NMBR: variants seen among roughly 807,000 people sequenced by gnomAD.
The protein encoded by NMBR is neuromedin-B receptor.
A neutral mutation model predicts 20.5 loss-of-function variants in NMBR; 16 were observed. That is an observed-to-expected ratio of 0.78 (90% CI 0.53 to 1.19). The LOEUF (loss-of-function observed/expected upper bound fraction) is 1.19. Among genes scored for constraint, NMBR ranks in the 50% most tolerant of loss-of-function variants. NMBR has a pLI of 0.00. For missense variants in NMBR, 582 were observed against 499.1 expected, an observed-to-expected ratio of 1.17 and a Z score of -1.58; for synonymous variants, 212 against 196.6, an observed-to-expected ratio of 1.08 and a Z score of -0.65.
intron 1 of NMBR, among the ~76,000 whole-genome samples, chr6:142,128,650 G>C (rs1031083803): frequency 6.6e-6 from 1 of 151,938 alleles, no homozygotes; most frequent in Non-Finnish European, 1.5e-5. Flanking sequence ...CTTTCATTTT[G>C]TTAAGTTGGT....
Position 142,088,521 on chromosome 6 carries a change from G to A in NMBR, c.138C>T (p.Ile46=), listed in dbSNP as rs117568543. Residue 46 remains isoleucine (I), a synonymous_variant, in exon 2 of 4, where the codon ATC becomes ATT. Transcript: ENST00000258042. Reference sequence around the variant, plus strand: ...TGATGATGAGCAGGTAGAGGGACGGGATCACACAGCGGATCACCAACTCCG... The same window carrying A: ...TGATGATGAGCAGGTAGAGGGACGGAATCACACAGCGGATCACCAACTCCG... ...TTTELVIRCV[I]PSLYLLIITV... 3,367 of 1,614,058 alleles carry A rather than the reference G, an allele frequency of 2.1e-3. 19 individuals carry two copies. The highest frequency in any genetic ancestry group is 7.3e-3 in the Middle Eastern group (44 of 6,062).
chr6:142,137,425 G>C (rs910056776), intron 1 of NMBR, among the ~76,000 whole-genome samples: 1 of 152,098 alleles, frequency 6.6e-6, no homozygotes, highest in African/African-American at 2.4e-5. Context: ...TAGATATACA[G>C]TCATGTAATC....
intron 2 of NMBR, among the ~76,000 whole-genome samples, chr6:142,087,439 G>T (rs1423967024): frequency 6.6e-6 from 1 of 152,078 alleles, no homozygotes; most frequent in African/African-American, 2.4e-5. Context: ...TGGACCCTGA[G>T]TCAGGAGACT....
intron 1 of NMBR, among the ~76,000 whole-genome samples, chr6:142,092,176 C>A (rs373963115): frequency 2.6e-5 from 4 of 151,594 alleles, no homozygotes; most frequent in East Asian, 1.9e-4. Flanking sequence ...AAAGGAGATA[C>A]TAATACAAAT....
At chr6:142,093,172 T>C (rs1489376962) in intron 1 of NMBR, among the ~76,000 whole-genome samples, 1 of 151,948 alleles carries the variant, frequency 6.6e-6, no homozygotes, top group East Asian at 1.9e-4. Flanking sequence ...TTAATTATTC[T>C]TTAAGTTTTA....
intron 1 of NMBR, among the ~76,000 whole-genome samples, chr6:142,111,421 G>T (rs1363500739): frequency 6.6e-6 from 1 of 152,044 alleles, no homozygotes; most frequent in East Asian, 1.9e-4. Flanking sequence ...AAAATTAAAT[G>T]ATTTTCTTAG....
At chr6:142,087,599 A>G (rs764093233) in intron 2 of NMBR, among the ~76,000 whole-genome samples, 17 of 152,192 alleles carry the variant, frequency 1.1e-4, no homozygotes, top group Non-Finnish European at 2.2e-4. Flanking sequence ...CAGATTTAAT[A>G]TCAAAGATGT....
rs1777016748 is a variant in NMBR, at chr6:142,078,857, A to G, written c.469T>C (p.Leu157=). ...NPMDMQTSGA[L]LRTCVKAMGI... ...ATGGCCTTCACACAGGTCCGCAGCA[A>G]TGCCCCTGACGTCTGCATGTCCATG... is the stretch of plus-strand genomic sequence containing the variant. Residue 157 remains leucine (L), a synonymous_variant, in exon 3 of 4, where the codon TTG becomes CTG. Transcript: ENST00000258042. 6.2e-7 allele frequency: 1 copy of G among 1,613,736 alleles called. No individual in the cohort carries two copies. Among genetic ancestry groups the G allele is most frequent in the South Asian group, 1.1e-5 (1 of 91,060 alleles).
chr6:142,121,907 A>G (rs926227654), intron 1 of NMBR, among the ~76,000 whole-genome samples: 1 of 151,894 alleles, frequency 6.6e-6, no homozygotes, highest in African/African-American at 2.4e-5. Flanking sequence ...GTGGTAGTCA[A>G]TATGCAGCCA....
rs567521224 is a variant in NMBR at position 142,102,115 on chromosome 6, G to A, written c.-663-12794C>T. Reference sequence around the variant, plus strand: ...CTAAAGAGTCTACTTGCAGCTGGGCGCGGTGGCTCACGCCTGTAATCCCAG... The same window carrying A: ...CTAAAGAGTCTACTTGCAGCTGGGCACGGTGGCTCACGCCTGTAATCCCAG... On this transcript the variant is annotated intron_variant, in intron 1 of 3. Transcript: ENST00000258042. Among the ~76,000 whole-genome samples, 28 of 152,222 alleles carry A rather than the reference G, an allele frequency of 1.8e-4. No homozygotes were observed. In the South Asian group the frequency reaches 5.0e-3, roughly 27 times the overall value.
chr6:142,142,315 G>T (rs111802671), intron 1 of NMBR, among the ~76,000 whole-genome samples: 2,337 of 152,180 alleles, frequency 0.015, 48 homozygotes, highest in South Asian at 0.07. Flanking sequence ...GAGAATATTT[G>T]CCATTTCATG....
chr6:142,095,238 A>G (rs995401120), intron 1 of NMBR, among the ~76,000 whole-genome samples: 1 of 152,124 alleles, frequency 6.6e-6, no homozygotes, highest in African/African-American at 2.4e-5. Flanking sequence ...GCCAGTTTTT[A>G]AAGGGAATGC....
At chr6:142,128,067 G>C (rs890190951) in intron 1 of NMBR, among the ~76,000 whole-genome samples, 4 of 152,010 alleles carry the variant, frequency 2.6e-5, no homozygotes, top group Admixed American at 2.6e-4. Flanking sequence ...TTGGCTCATG[G>C]GGGCAGATTT....
At chr6:142,106,557 C>T (rs1180774011) in intron 1 of NMBR, among the ~76,000 whole-genome samples, 1 of 152,166 alleles carries the variant, frequency 6.6e-6, no homozygotes, top group Admixed American at 6.5e-5. Context: ...AGAAGCAATT[C>T]TTACAGCTTT....
At chr6:142,092,277 G>T (rs971231562) in intron 1 of NMBR, among the ~76,000 whole-genome samples, 35 of 152,090 alleles carry the variant, frequency 2.3e-4, no homozygotes, top group Non-Finnish European at 2.9e-5. Flanking sequence ...GCTGCATGTA[G>T]ATAAGGAAAC....
chr6:142,108,829 G>T (rs1014908813), intron 1 of NMBR, among the ~76,000 whole-genome samples: 6 of 152,120 alleles, frequency 3.9e-5, no homozygotes, highest in Non-Finnish European at 7.3e-5. Flanking sequence ...GCTCATTCTA[G>T]CATTAACCAA....
At chr6:142,106,767 T>C (rs1298280188) in intron 1 of NMBR, among the ~76,000 whole-genome samples, 2 of 152,210 alleles carry the variant, frequency 1.3e-5, no homozygotes, top group Non-Finnish European at 1.5e-5. Flanking sequence ...GGCCTAAATA[T>C]TGTATTGCCA....
chr6:142,127,874 T>C (rs1004947844), intron 1 of NMBR, among the ~76,000 whole-genome samples: 12 of 152,140 alleles, frequency 7.9e-5, no homozygotes, highest in Non-Finnish European at 1.3e-4. Flanking sequence ...TTGTTAGTTC[T>C]AACAGGATTT....
At chr6:142,078,476 A>T in intron 3 of NMBR, 79 bp downstream of exon 3, 2 of 803,336 alleles carry the variant, frequency 2.5e-6, no homozygotes, top group Non-Finnish European at 3.9e-6. Flanking sequence ...TCATAGGATT[A>T]AAAGCCCACA....
Sources: allele counts gnomAD v4.1 joint callset (sites outside exome capture counted in the v4.1 genomes callset), GRCh38; gene constraint gnomAD v4.1.1; transcripts MANE v1.5; gene names NCBI Gene and HGNC (gene_info 2026-07-23, HGNC 2026-07-21).